MPO: variants seen among roughly 807,000 people sequenced by gnomAD.
MPO encodes myeloperoxidase.
In MPO, 57 loss-of-function variants were observed where a neutral mutation model predicts 69.4. The ratio of observed to expected loss-of-function variants is 0.82; its 90% CI spans 0.66 to 1.02. The LOEUF (loss-of-function observed/expected upper bound fraction) is 1.02. Ranked by LOEUF, MPO falls within the 50% of genes least tolerant of loss-of-function variation. MPO has a pLI of 0.00. For missense variants in MPO, 971 were observed against 1,014.1 expected, an observed-to-expected ratio of 0.96 and a Z score of 0.58; for synonymous variants, 426 against 417.1, an observed-to-expected ratio of 1.02 and a Z score of -0.26.
At position 58,271,727 on chromosome 17, in the gene MPO, C is replaced by A. The variant is rs756268177; in HGVS notation, c.1958G>T (p.Arg653Leu). Residue 653 changes from arginine to leucine, a missense_variant, in exon 11 of 12, where the codon CGC (arginine) becomes CTC (leucine). Arg to Leu is a moderately radical substitution (Grantham distance 102). Coordinates refer to ENST00000225275, the MANE Select transcript of MPO (RefSeq NM_000250.2). ...GAGGAGTGGGCCCACGCGGCCTTTG[C>A]GCTTCAGAGGCTCGGACACGCCGCC... ...WMGGVSEPLK[R>L]KGRVGPLLAC... The A allele has an allele frequency of 6.2e-7, 1 of 1,614,052 alleles. No homozygotes were observed. Among genetic ancestry groups the A allele is most frequent in the Admixed American group, 1.7e-5 (1 of 60,030 alleles).
intron 2 of MPO, 56 bp downstream of exon 2, chr17:58,280,310 T>G: frequency 6.4e-7 from 1 of 1,573,770 alleles, no homozygotes; most frequent in Non-Finnish European, 8.7e-7. Flanking sequence ...GCCTGCTGCT[T>G]CTCTGAAAGG....
chr17:58,270,912 G>A lies in MPO; in HGVS notation c.2031-49C>T, dbSNP rs1196692311. ...ACTGTGCCCAAGGATATTCTGGGCTGGCAGGGCATCGATGGGCTTGTGCTG... is the reference window on the plus strand; with the variant it reads ...ACTGTGCCCAAGGATATTCTGGGCTAGCAGGGCATCGATGGGCTTGTGCTG... On this transcript the variant is annotated intron_variant, in intron 11 of 11. Coordinates refer to ENST00000225275, the MANE Select transcript of MPO (RefSeq NM_000250.2). This position sits in a 1 kb window ranked among gnomAD's most constrained non-coding sequence, Gnocchi z 4.1. 5 of 1,598,870 alleles carry A rather than the reference G, an allele frequency of 3.1e-6. No individual in the cohort carries two copies. The highest frequency in any genetic ancestry group is 4.3e-6 in the Non-Finnish European group (5 of 1,168,158).
Position 58,279,325 on chromosome 17 carries a change from AC to A in MPO, c.649del (p.Val217SerfsTer26), listed in dbSNP as rs1317454449. The A allele has an allele frequency of 1.3e-6, 2 of 1,568,990 alleles. No individual in the cohort carries two copies. The highest frequency in any genetic ancestry group is 2.3e-5 in the South Asian group (2 of 86,392). On this transcript the variant is annotated frameshift_variant, in exon 5 of 12. Transcript: ENST00000225275. LOFTEE classifies it high-confidence loss of function. ...FSLPYGWTPG[V>X]KRNGFPVALA... Reference sequence around the variant, plus strand: ...AGCCACCGGGAAGCCGTTGCGCTTGACCCCGGGCGTCCAGCCGTAGGGAAGA... The same window carrying A: ...AGCCACCGGGAAGCCGTTGCGCTTGACCCGGGCGTCCAGCCGTAGGGAAGA...
At chr17:58,280,098 G>T in intron 2 of MPO, 84 bp from the exon 3 acceptor site, 1 of 1,566,776 alleles carries the variant, frequency 6.4e-7, no homozygotes. Context: ...AGACATGCAG[G>T]ACCATGCAGG....
rs149590233 is a variant in MPO, at chr17:58,280,380, C to T, written c.234G>A (p.Lys78=). The T allele has an allele frequency of 8.9e-5, 144 of 1,614,100 alleles. 1 individual carries two copies. The African/African-American group carries it at 1.7e-3, about 20-fold the overall frequency. ...EAKQLVDKAY[K]ERRESIKQRL... ...TCGTGCCCCACCTTTCCCGCCGCTC[C>T]TTGTAGGCCTTGTCCACCAGCTGCT... Residue 78 remains lysine (K), a synonymous_variant, in exon 2 of 12, where the codon AAG becomes AAA. Transcript: ENST00000225275.
chr17:58,272,718 G>C, intron 10 of MPO, 30 bp downstream of exon 10: 8 of 1,608,064 alleles, frequency 5.0e-6, no homozygotes, highest in Non-Finnish European at 6.8e-6. Context: ...GGGGAGGTGA[G>C]CATCAGGGGA....
In MPO at chr17:58,279,385, C is replaced by A. The variant is rs367635034; in HGVS notation, c.590G>T (p.Arg197Leu). ...TLGASNRAFV[R>L]WLPAEYEDGF... The stretch of plus-strand genomic sequence containing the variant: ...GTCCTCATACTCCGCCGGCAGCCAG[C>A]GCACAAAGGCACGGTTGGAGGCCCC... The change falls in exon 5 of 12, where the codon CGC becomes CTC. Residue 197 changes from arginine to leucine, a missense_variant. Transcript: ENST00000225275. 5.0e-6 allele frequency: 8 copies of A among 1,603,984 alleles called. No individual in the cohort carries two copies. Among genetic ancestry groups the A allele is most frequent in the Admixed American group, 1.7e-5 (1 of 58,466 alleles).
chr17:58,271,474 A>T lies in MPO; in HGVS notation c.2030+181T>A, dbSNP rs551009770. Among the ~76,000 whole-genome samples, 167 of 152,000 alleles carry T rather than the reference A, an allele frequency of 1.1e-3. 1 individual carries two copies. The highest frequency in any genetic ancestry group is 3.4e-3 in the Middle Eastern group (1 of 294). On this transcript the variant is annotated intron_variant, in intron 11 of 11. Transcript: ENST00000225275. ...AGGGGTCCAGGTCTTTCCTTGCTGC[A>T]CCCCCAACAGGTTCAGGGCACATTA...
At position 58,270,400 on chromosome 17, in the gene MPO, C is replaced by T. The variant is rs1165224094; in HGVS notation, c.*256G>A. The T allele has an allele frequency of 1.6e-5, 8 of 507,054 alleles. No individual in the cohort carries two copies. The East Asian group carries it at 1.9e-4, about 12-fold the overall frequency. The allele number at this position is 507,054 out of a possible 1,614,324, so 31.4% of individuals were successfully genotyped here. On this transcript the variant is annotated 3_prime_UTR_variant, in exon 12 of 12. Coordinates refer to ENST00000225275, the MANE Select transcript of MPO (RefSeq NM_000250.2). This position sits in a 1 kb window ranked among gnomAD's most constrained non-coding sequence, Gnocchi z 4.1. ...CCTTCCACATACTCAGTATTCTCAT[C>T]AGCACAAACACACACTCACATAAAT...
chr17:58,269,946 G>T lies in MPO; in HGVS notation c.*710C>A, dbSNP rs568481935. ...GGCAACAGGCCCAGTTCCTCTTCAG[G>T]AGAACTTCAGTGAATAAGCAAGAAA... On this transcript the variant is annotated 3_prime_UTR_variant, in exon 12 of 12. Coordinates refer to ENST00000225275, the MANE Select transcript of MPO (RefSeq NM_000250.2). The T allele has an allele frequency of 5.2e-5, 8 of 154,118 alleles. No individual in the cohort carries two copies. The highest frequency in any genetic ancestry group is 1.7e-4 in the African/African-American group (7 of 41,562). 9.5% of individuals were successfully genotyped at this position (154,118 alleles called of 1,614,324 possible).
intron 2 of MPO, 41 bp downstream of exon 2, chr17:58,280,325 G>A (rs2143983204): frequency 1.3e-6 from 2 of 1,598,466 alleles, no homozygotes; most frequent in Non-Finnish European, 1.7e-6. Context: ...GAAAGGCCTG[G>A]GACATCCTTG....
Position 58,275,646 on chromosome 17 carries a change from G to C in MPO, c.1261C>G (p.Arg421Gly). Reference protein sequence around the residue: ...ELTSMHTLLLREHNRLATELK... With the variant: ...ELTSMHTLLLGEHNRLATELK... Reference sequence around the variant, plus strand: ...TCTGTGGCCAGCCGGTTGTGCTCCCGAAGTAAGAGGGTGTGCATGGAGGTG... The same window carrying C: ...TCTGTGGCCAGCCGGTTGTGCTCCCCAAGTAAGAGGGTGTGCATGGAGGTG... The change falls in exon 8 of 12, where the codon CGG becomes GGG. Residue 421 changes from arginine to glycine, a missense_variant. Transcript: ENST00000225275. The surrounding 1 kb of genome is among the most constrained non-coding windows in gnomAD (Gnocchi z 4.1). The C allele has an allele frequency of 6.2e-7, 1 of 1,614,148 alleles. No homozygotes were observed.
intron 10 of MPO, 137 bp downstream of exon 10, chr17:58,272,611 G>T: frequency 9.9e-7 from 1 of 1,008,156 alleles, no homozygotes; most frequent in Non-Finnish European, 1.4e-6. Flanking sequence ...CTGGCCTCAG[G>T]CTACTTCCTG....
chr17:58,278,052 G>T lies in MPO; in HGVS notation c.979C>A (p.Arg327Ser). ...PACPGSNITI[R>S]NQINALTSFV... ...GAAGTGAGCGCGTTGATCTGGTTGCGGATGGTGATGTTGCTCCCGGGGCAA... is the reference window on the plus strand; with the variant it reads ...GAAGTGAGCGCGTTGATCTGGTTGCTGATGGTGATGTTGCTCCCGGGGCAA... The change falls in exon 7 of 12, where the codon CGC becomes AGC. Residue 327 changes from arginine (R) to serine (S), a missense_variant. Transcript: ENST00000225275. 3.1e-6 allele frequency: 5 copies of T among 1,613,236 alleles called. No homozygotes were observed. The highest frequency in any genetic ancestry group is 4.2e-6 in the Non-Finnish European group (5 of 1,180,036).
intron 7 of MPO, among the ~76,000 whole-genome samples, chr17:58,277,487 T>C (rs927233448): frequency 3.3e-5 from 5 of 152,240 alleles, no homozygotes; most frequent in Admixed American, 3.3e-4. Flanking sequence ...CAGCGTTCTC[T>C]GTCCTTTAGT....
intron 7 of MPO, 93 bp downstream of exon 7, chr17:58,277,734 G>C (rs2143977081): frequency 2.6e-6 from 4 of 1,558,824 alleles, no homozygotes; most frequent in South Asian, 1.1e-5. Context: ...GTCTCTCTAA[G>C]TACAAACCCA....
At position 58,270,963 on chromosome 17, in the gene MPO, CA is replaced by C; in HGVS notation, c.2031-101del. ...CTCCCAGGATATAACAAAGCCACAA[CA>C]AATGCCACCTGGAAGCACAGGAGGG... On this transcript the variant is annotated intron_variant, in intron 11 of 11. Transcript: ENST00000225275. The surrounding 1 kb of genome is among the most constrained non-coding windows in gnomAD (Gnocchi z 4.1). The C allele has an allele frequency of 7.4e-7, 1 of 1,343,276 alleles. No homozygotes were observed. Among genetic ancestry groups the C allele is most frequent in the Non-Finnish European group, 1.1e-6 (1 of 948,504 alleles). The allele number at this position is 1,343,276 out of a possible 1,614,324, so 83.2% of individuals were successfully genotyped here. A position where few individuals can be genotyped will look rare whatever the true frequency, so the allele number is the denominator to read the frequency against.
Position 58,279,551 on chromosome 17 carries a change from G to C in MPO, c.520C>G (p.Arg174Gly). The change falls in exon 4 of 12, where the codon CGC becomes GGC. Residue 174 changes from arginine (R) to glycine (G), a missense_variant. Arg to Gly is a moderately radical substitution (Grantham distance 125). Transcript: ENST00000225275. ...GVTCPEQDKY[R>G]TITGMCNNRR... ...TTGTTGCACATCCCGGTGATGGTGC[G>C]GTATTTGTCCTGCTCCGGGCAAGTC... The C allele has an allele frequency of 6.2e-7, 1 of 1,614,122 alleles. No individual in the cohort carries two copies. The highest frequency in any genetic ancestry group is 8.5e-7 in the Non-Finnish European group (1 of 1,180,036).
chr17:58,280,599 T>G lies in MPO; in HGVS notation c.154+6A>C, dbSNP rs745696969. On this transcript the variant is annotated splice_donor_region_variant and intron_variant, in intron 1 of 11. Coordinates refer to ENST00000225275, the MANE Select transcript of MPO (RefSeq NM_000250.2). ...CACCATCTTCTCCCACCTTGGGAAC[T>G]GTTACCTGGAGCAGCACCTTCAGAG... 8 of 1,614,102 alleles carry G rather than the reference T, an allele frequency of 5.0e-6. No homozygotes were observed. The highest frequency in any genetic ancestry group is 6.8e-6 in the Non-Finnish European group (8 of 1,180,052).
Sources: allele counts gnomAD v4.1 joint callset (sites outside exome capture counted in the v4.1 genomes callset), GRCh38; gene constraint gnomAD v4.1.1; non-coding constraint Gnocchi (gnomAD v3.1); transcripts MANE v1.5; gene names NCBI Gene and HGNC (gene_info 2026-07-23, HGNC 2026-07-21).